NSD2: variants seen among roughly 807,000 people sequenced by gnomAD.
The protein encoded by NSD2 is nuclear receptor binding SET domain protein 2, also known as histone-lysine N-methyltransferase NSD2.
Under a neutral mutation model 139.0 loss-of-function variants are expected in NSD2, and 12 were observed. That is an observed-to-expected ratio of 0.09 (90% CI 0.06 to 0.14). NSD2 has a LOEUF of 0.14. Among genes scored for constraint, NSD2 ranks in the 10% least tolerant of loss-of-function variants. The pLI is 1.00. For missense variants in NSD2, 1,155 were observed against 1,745.0 expected (o/e 0.66, Z 6.02); for synonymous variants, 669 against 648.7 (o/e 1.03, Z -0.48).
chr4:1,977,513 T>G (rs979878621), intron 21 of NSD2, among the ~76,000 whole-genome samples: 9 of 152,210 alleles, frequency 5.9e-5, no homozygotes, highest in Admixed American at 3.3e-4. Context: ...CGGGGGCTCA[T>G]GCCTGTAATC....
chr4:1,922,349 G>A (rs1470871774), intron 5 of NSD2, among the ~76,000 whole-genome samples: 1 of 152,152 alleles, frequency 6.6e-6, no homozygotes, highest in East Asian at 1.9e-4. Flanking sequence ...AAACCAAAAT[G>A]TCAGGTACTG....
intron 15 of NSD2, among the ~76,000 whole-genome samples, chr4:1,957,116 T>C (rs1724897689): frequency 1.3e-5 from 2 of 152,164 alleles, no homozygotes; most frequent in Admixed American, 6.5e-5. Context: ...GACTTGGGGC[T>C]GCAAAAACAG....
At chr4:1,912,277 A>AT (rs1448374505) in intron 3 of NSD2, 2 of 178,162 alleles carry the variant, frequency 1.1e-5, no homozygotes, top group Non-Finnish European at 2.5e-5. Context: ...TTAACTTTCT[A>AT]TCATGGAAAA....
intron 11 of NSD2, chr4:1,952,974 G>C: frequency 7.0e-7 from 1 of 1,434,656 alleles, no homozygotes; most frequent in East Asian, 2.5e-5. Context: ...ATAAGTGACT[G>C]CTCCACCACT....
intron 9 of NSD2, among the ~76,000 whole-genome samples, chr4:1,950,528 T>C (rs1197408326): frequency 6.6e-6 from 1 of 152,206 alleles, no homozygotes; most frequent in Admixed American, 6.5e-5. Context: ...CGGAAGACTC[T>C]CCTGACTCTG....
At chr4:1,932,633 C>G (rs1313093882) in intron 6 of NSD2, among the ~76,000 whole-genome samples, 4 of 152,118 alleles carry the variant, frequency 2.6e-5, no homozygotes, top group African/African-American at 9.7e-5. Flanking sequence ...GTAATCCCAG[C>G]TACTTGGGAG....
chr4:1,922,476 T>A (rs960720536), intron 5 of NSD2, among the ~76,000 whole-genome samples: 2 of 152,258 alleles, frequency 1.3e-5, no homozygotes, highest in African/African-American at 4.8e-5. Context: ...AAGTTGTCAA[T>A]TCTCCCTTTA....
chr4:1,976,988 C>T lies in NSD2; in HGVS notation c.3826+309C>T, dbSNP rs950043691. ...CCTCATCCATGCTGTGGGGGCGGGG[C>T]GGCCAGGAAGGAGGCGACGCTGGGA... is the stretch of plus-strand genomic sequence containing the variant. On this transcript the variant is annotated intron_variant, in intron 21 of 21. Coordinates refer to ENST00000508803, the MANE Select transcript of NSD2 (RefSeq NM_001042424.3). This position sits in a 1 kb window ranked among gnomAD's most constrained non-coding sequence, Gnocchi z 5.3. 2.6e-5 allele frequency among the ~76,000 whole-genome samples: 4 copies of T among 152,222 alleles called. No homozygotes were observed. The highest frequency in any genetic ancestry group is 3.8e-4 in the East Asian group (2 of 5,196).
chr4:1,976,710 CTG>C lies in NSD2; in HGVS notation c.3826+35_3826+36del. On this transcript the variant is annotated intron_variant, in intron 21 of 21. Transcript: ENST00000508803. The surrounding 1 kb of genome is among the most constrained non-coding windows in gnomAD (Gnocchi z 5.3). ...TGTGCAGCCTCGCGGTGGCTTGCAG[CTG>C]TGTCTGTGTGGCAGGCTCCTGATGG... The C allele has an allele frequency of 6.5e-7, 1 of 1,540,940 alleles. No homozygotes were observed. Among genetic ancestry groups the C allele is most frequent in the Non-Finnish European group, 8.8e-7 (1 of 1,141,540 alleles).
chr4:1,901,067 T>G lies in NSD2; in HGVS notation c.413T>G (p.Leu138Arg). 6.2e-7 allele frequency: 1 copy of G among 1,614,200 alleles called. No homozygotes were observed. Among genetic ancestry groups the G allele is most frequent in the Non-Finnish European group, 8.5e-7 (1 of 1,180,044 alleles). Residue 138 changes from leucine (L) to arginine (R), a missense_variant, in exon 2 of 22, where the codon CTC becomes CGC. By Grantham distance (102) the Leu-to-Arg change is moderately radical. Coordinates refer to ENST00000508803, the MANE Select transcript of NSD2 (RefSeq NM_001042424.3). ...AAAACATACATGAATGGGAAGCCTC[T>G]CTTTGAATCTTCCATTTGTGGTGAC... ...ITKTYMNGKP[L>R]FESSICGDSA...
At chr4:1,969,134 G>A (rs906985085) in intron 18 of NSD2, among the ~76,000 whole-genome samples, 20 of 152,248 alleles carry the variant, frequency 1.3e-4, no homozygotes, top group Non-Finnish European at 4.4e-5. Context: ...CCCCAGCGGC[G>A]CTGAGAGTTG....
intron 5 of NSD2, among the ~76,000 whole-genome samples, chr4:1,923,309 C>G (rs1720403813): frequency 6.8e-6 from 1 of 147,318 alleles, no homozygotes; most frequent in Admixed American, 6.7e-5. Context: ...TGACAGAGAC[C>G]CTGGCTCAAA....
At chr4:1,966,656 C>CA (rs568684570) in intron 18 of NSD2, among the ~76,000 whole-genome samples, 4,114 of 62,892 alleles carry the variant, frequency 0.065, 64 homozygotes, top group Non-Finnish European at 0.069. Context: ...GACTCTGTCT[C>CA]AAAAAAAAAA....
At chr4:1,926,433 G>A (rs770137606) in intron 5 of NSD2, among the ~76,000 whole-genome samples, 2 of 151,826 alleles carry the variant, frequency 1.3e-5, no homozygotes, top group Non-Finnish European at 2.9e-5. Flanking sequence ...GATTACAGGT[G>A]TGAGCCACCG....
In NSD2 at chr4:1,976,616, G is replaced by T; in HGVS notation, c.3763G>T (p.Asp1255Tyr). 6.2e-7 allele frequency: 1 copy of T among 1,609,244 alleles called. No homozygotes were observed. Among genetic ancestry groups the T allele is most frequent in the South Asian group, 1.1e-5 (1 of 90,106 alleles). ...TGATGGCGGGCAGCTGGTGCTGTGT[G>T]ACCGCAAGTTCTGCACCAAGGCCTA... is the stretch of plus-strand genomic sequence containing the variant. ...CGDGGQLVLC[D>Y]RKFCTKAYHL... Residue 1255 changes from aspartate to tyrosine, a missense_variant, in exon 21 of 22, where the codon GAC (aspartate) becomes TAC (tyrosine). Transcript: ENST00000508803. This position sits in a 1 kb window ranked among gnomAD's most constrained non-coding sequence, Gnocchi z 5.3.
intron 6 of NSD2, among the ~76,000 whole-genome samples, chr4:1,930,996 G>A (rs1381806609): frequency 1.3e-5 from 2 of 152,108 alleles, no homozygotes; most frequent in African/African-American, 2.4e-5. Context: ...TCTGGCCTGT[G>A]GCTCCCTTGC....
intron 7 of NSD2, among the ~76,000 whole-genome samples, chr4:1,937,605 C>T (rs1188812495): frequency 2.0e-5 from 3 of 152,086 alleles, no homozygotes; most frequent in Non-Finnish European, 2.9e-5. Context: ...CATATGACAC[C>T]CAATGTGCAC....
In NSD2 at chr4:1,955,209, A is replaced by T; in HGVS notation, c.2387A>T (p.Asp796Val). ...TGCCCCGTTGCCTATCACAGCGGGG[A>T]TGCTTGTCTGGCAGCAGGATGCTCA... ...VRCPVAYHSG[D>V]ACLAAGCSVI... Residue 796 changes from aspartate to valine, a missense_variant, in exon 13 of 22, where the codon GAT becomes GTT. Physicochemically the swap from Asp to Val is radical, Grantham distance 152. Around this residue, in one of 8 missense-constraint regions of NSD2, gnomAD observed 120 missense variants for 239.3 expected, o/e 0.50. Transcript: ENST00000508803. This position sits in a 1 kb window ranked among gnomAD's most constrained non-coding sequence, Gnocchi z 4.7. The T allele has an allele frequency of 1.2e-6, 2 of 1,614,036 alleles. No individual in the cohort carries two copies. The highest frequency in any genetic ancestry group is 8.5e-7 in the Non-Finnish European group (1 of 1,179,944).
intron 6 of NSD2, 72 bp from the exon 7 acceptor site, chr4:1,935,072 G>C (rs1321678848): frequency 6.6e-6 from 8 of 1,217,322 alleles, no homozygotes; most frequent in East Asian, 2.4e-5. Context: ...GCCCTGGGTA[G>C]GTTCTCACAG....
Sources: allele counts gnomAD v4.1 joint callset (sites outside exome capture counted in the v4.1 genomes callset), GRCh38; gene constraint gnomAD v4.1.1; regional missense constraint gnomAD v4.1.1; non-coding constraint Gnocchi (gnomAD v3.1); transcripts MANE v1.5; gene names NCBI Gene and HGNC (gene_info 2026-07-23, HGNC 2026-07-21).